LHFPL6: variants seen among roughly 807,000 people sequenced by gnomAD.
LHFPL6 encodes LHFPL tetraspan subfamily member 6 protein.
Under a neutral mutation model 20.6 loss-of-function variants are expected in LHFPL6, and 9 were observed. The ratio of observed to expected loss-of-function variants is 0.44; its 90% confidence interval spans 0.26 to 0.76. LHFPL6 has a LOEUF of 0.76. Ranked by LOEUF, LHFPL6 falls within the 30% of genes least tolerant of loss-of-function variation. The pLI is 0.20. For synonymous variants in LHFPL6, 105 were observed against 98.7 expected (o/e 1.06, Z -0.38); for missense variants, 218 against 253.5 (o/e 0.86, Z 0.95).
intron 2 of LHFPL6, among the ~76,000 whole-genome samples, chr13:39,456,210 G>T (rs946015612): frequency 3.3e-5 from 5 of 152,212 alleles, no homozygotes; most frequent in Non-Finnish European, 7.3e-5. Context: ...CAGACTGGCA[G>T]AAAATTGACT....
intron 2 of LHFPL6, among the ~76,000 whole-genome samples, chr13:39,540,255 G>T (rs929512454): frequency 1.3e-5 from 2 of 151,904 alleles, no homozygotes; most frequent in African/African-American, 2.4e-5. Context: ...CAGTAAAGTA[G>T]GATACTCACG....
chr13:39,523,249 A>G lies in LHFPL6; in HGVS notation c.385+77583T>C, dbSNP rs529100018. Among the ~76,000 whole-genome samples, 3 of 152,252 alleles carry G rather than the reference A, an allele frequency of 2.0e-5. No individual in the cohort carries two copies. In the South Asian group the frequency reaches 6.2e-4, roughly 32 times the overall value. On this transcript the variant is annotated intron_variant, in intron 2 of 3. Coordinates refer to ENST00000379589, the MANE Select transcript of LHFPL6 (RefSeq NM_005780.3). Reference sequence around the variant, plus strand: ...GGTTAGATTTCTGAAAACTCAGTAAACACCGACAATGTGACACAACTACTA... The same window carrying G: ...GGTTAGATTTCTGAAAACTCAGTAAGCACCGACAATGTGACACAACTACTA...
chr13:39,557,161 G>A (rs1231106214), intron 2 of LHFPL6, among the ~76,000 whole-genome samples: 2 of 152,198 alleles, frequency 1.3e-5, no homozygotes, highest in Admixed American at 6.5e-5. Context: ...AAATCTTTGA[G>A]GCAGCCACTC....
chr13:39,485,801 A>AAAGT (rs1868705842), intron 2 of LHFPL6, among the ~76,000 whole-genome samples: 1 of 152,180 alleles, frequency 6.6e-6, no homozygotes, highest in Non-Finnish European at 1.5e-5. Flanking sequence ...GACCTCCTAT[A>AAAGT]ACATTTATAC....
intron 2 of LHFPL6, among the ~76,000 whole-genome samples, chr13:39,488,839 C>T (rs1566123147): frequency 6.6e-6 from 1 of 151,042 alleles, no homozygotes; most frequent in Non-Finnish European, 1.5e-5. Flanking sequence ...CGTCAAAAAT[C>T]AATTGTTATC....
At chr13:39,397,445 T>C (rs1171474090) in intron 2 of LHFPL6, among the ~76,000 whole-genome samples, 2 of 152,246 alleles carry the variant, frequency 1.3e-5, no homozygotes, top group South Asian at 2.1e-4. Context: ...ATGCCTGACA[T>C]GTGAGATGCA....
At position 39,359,562 on chromosome 13, in the gene LHFPL6, T is replaced by C. The variant is rs765026486; in HGVS notation, c.485-15508A>G. On this transcript the variant is annotated intron_variant, in intron 3 of 3. Transcript: ENST00000379589. ...AGCAAATACCACATGTTCTCATTTA[T>C]AAATGGGGGCAAAATACTGGATAAA... 2.4e-4 allele frequency among the ~76,000 whole-genome samples: 36 copies of C among 152,238 alleles called. 1 individual carries two copies. The Middle Eastern group carries it at 0.014, about 58-fold the overall frequency.
chr13:39,440,200 C>T (rs557627809), intron 2 of LHFPL6, among the ~76,000 whole-genome samples: 147 of 152,178 alleles, frequency 9.7e-4, no homozygotes, highest in Middle Eastern at 3.4e-3. Flanking sequence ...ATCACATCTC[C>T]TAAGGAAGAG....
At chr13:39,550,221 T>C (rs1593359095) in intron 2 of LHFPL6, among the ~76,000 whole-genome samples, 1 of 152,168 alleles carries the variant, frequency 6.6e-6, no homozygotes, top group East Asian at 1.9e-4. Flanking sequence ...GGGAAAACTA[T>C]AGGCACAGAA....
At chr13:39,425,845 T>TGAGACATGGTTTCA (rs1871621773) in intron 2 of LHFPL6, among the ~76,000 whole-genome samples, 1 of 152,162 alleles carries the variant, frequency 6.6e-6, no homozygotes, top group African/African-American at 2.4e-5. Context: ...AAAAAAAATA[T>TGAGACATGGTTTCA]GAGACATGGT....
intron 2 of LHFPL6, among the ~76,000 whole-genome samples, chr13:39,505,128 G>A (rs1263688314): frequency 2.6e-5 from 4 of 152,074 alleles, no homozygotes; most frequent in East Asian, 1.9e-4. Context: ...GGGAATTGAT[G>A]CAAACGCAAA....
intron 2 of LHFPL6, among the ~76,000 whole-genome samples, chr13:39,383,314 G>C (rs913111832): frequency 6.6e-6 from 1 of 152,252 alleles, no homozygotes; most frequent in African/African-American, 2.4e-5. Flanking sequence ...CCATTAAATG[G>C]AAGTGGAGAG....
chr13:39,562,661 C>T (rs370492932), intron 2 of LHFPL6, among the ~76,000 whole-genome samples: 3 of 135,788 alleles, frequency 2.2e-5, no homozygotes, highest in East Asian at 4.6e-4. Context: ...CACATATACA[C>T]ATATATACAC....
At chr13:39,592,343 C>A (rs548871807) in intron 2 of LHFPL6, among the ~76,000 whole-genome samples, 9 of 152,256 alleles carry the variant, frequency 5.9e-5, no homozygotes, top group Middle Eastern at 3.4e-3. Context: ...ACTGTAAACA[C>A]CTCCACACAA....
chr13:39,428,956 C>T (rs1233591361), intron 2 of LHFPL6, among the ~76,000 whole-genome samples: 1 of 152,028 alleles, frequency 6.6e-6, no homozygotes, highest in African/African-American at 2.4e-5. Flanking sequence ...ATTTCATTTC[C>T]AAATAATGCA....
chr13:39,425,492 C>T (rs1871614082), intron 2 of LHFPL6, among the ~76,000 whole-genome samples: 1 of 152,176 alleles, frequency 6.6e-6, no homozygotes, highest in South Asian at 2.1e-4. Context: ...CACTGCCAAA[C>T]TGCATTAGCA....
intron 3 of LHFPL6, 31 bp downstream of exon 3, chr13:39,378,397 A>G (rs1452779550): frequency 5.1e-6 from 8 of 1,569,126 alleles, no homozygotes; most frequent in Non-Finnish European, 6.1e-6. Flanking sequence ...TTCTTTTTCT[A>G]AAAGGAGTGC....
intron 3 of LHFPL6, among the ~76,000 whole-genome samples, chr13:39,376,701 A>G (rs1288467093): frequency 6.6e-6 from 1 of 152,182 alleles, no homozygotes; most frequent in East Asian, 1.9e-4. Context: ...GAATATAGTA[A>G]TACTGCCATT....
intron 2 of LHFPL6, among the ~76,000 whole-genome samples, chr13:39,429,656 T>C (rs1233913779): frequency 6.6e-6 from 1 of 152,202 alleles, no homozygotes; most frequent in African/African-American, 2.4e-5. Flanking sequence ...ATTGCTACTA[T>C]TTTTTCTAAT....
Sources: allele counts gnomAD v4.1 joint callset (sites outside exome capture counted in the v4.1 genomes callset), GRCh38; gene constraint gnomAD v4.1.1; transcripts MANE v1.5; gene names NCBI Gene and HGNC (gene_info 2026-07-23, HGNC 2026-07-21).